The following GRIP2 variants were observed in gnomAD, a reference collection of about 807,000 sequenced individuals.
GRIP2 encodes glutamate receptor-interacting protein 2.
In GRIP2, 58 loss-of-function variants were observed where a neutral mutation model predicts 108.3. The ratio of observed to expected loss-of-function variants is 0.54; its 90% confidence interval spans 0.43 to 0.67. The LOEUF is 0.67. Among genes scored for constraint, GRIP2 ranks in the 30% least tolerant of loss-of-function variants. GRIP2 has a pLI of 0.00. For synonymous variants in GRIP2, 586 were observed against 598.2 expected, an observed-to-expected ratio of 0.98 and a Z score of 0.30; for missense variants, 1,278 against 1,430.6, an observed-to-expected ratio of 0.89 and a Z score of 1.72.
the GRIP2 span, among the ~76,000 whole-genome samples, chr3:14,565,235 A>G: frequency 3.3e-5 from 5 of 152,222 alleles, no homozygotes; most frequent in Non-Finnish European, 7.4e-5. Context: ...TTGGGGAGAC[A>G]GTGTTACATG....
Position 14,505,883 on chromosome 3 carries a change from G to A in GRIP2, c.2399-94C>T, listed in dbSNP as rs1052692772. On this transcript the variant is annotated intron_variant, in intron 19 of 23. Transcript: ENST00000621039. The surrounding 1 kb of genome is among the most constrained non-coding windows in gnomAD (Gnocchi z 4.2). ...AGCTGTGCTGAGTGACCCTGGGGAG[G>A]TCGTTGCTCCTCTCTGGGCCTGCAT... 22 of 1,213,588 alleles carry A rather than the reference G, an allele frequency of 1.8e-5. No homozygotes were observed. The South Asian group carries it at 3.7e-4, about 20-fold the overall frequency. 75.2% of individuals were successfully genotyped at this position (1,213,588 alleles called of 1,614,324 possible).
upstream of GRIP2, among the ~76,000 whole-genome samples, chr3:14,556,282 G>C (rs1326769101): frequency 1.3e-5 from 2 of 152,048 alleles, no homozygotes; most frequent in East Asian, 3.9e-4. Context: ...CCCACCTTTT[G>C]CTGAAATCTA....
Position 14,520,183 on chromosome 3 carries a change from G to A in GRIP2, c.957C>T (p.Ser319=). ...TCTCCAGCCGCACCTTCTCTGAAAT[G>A]CTGGCCAGGAGCTTGGTGGCCTCAA... ...SLLEATKLLA[S]ISEKVRLEIL... is the part of the protein sequence containing the mutation. Residue 319 remains serine (S), a synonymous_variant, in exon 9 of 24, where the codon AGC becomes AGT. Transcript: ENST00000621039. 6.2e-7 allele frequency: 1 copy of A among 1,613,052 alleles called. No homozygotes were observed. The highest frequency in any genetic ancestry group is 8.5e-7 in the Non-Finnish European group (1 of 1,179,686).
At chr3:14,523,945 G>T in intron 4 of GRIP2, 1 of 544,862 alleles carries the variant, frequency 1.8e-6, no homozygotes, top group Non-Finnish European at 3.3e-6. Context: ...GCAGAACTCA[G>T]GCTTGAGTCC....
chr3:14,583,850 T>C, the GRIP2 span, among the ~76,000 whole-genome samples: 6 of 152,210 alleles, frequency 3.9e-5, no homozygotes, highest in Admixed American at 3.3e-4. Flanking sequence ...GCCAAGTTCC[T>C]TCCCTCCTCC....
rs762153613 is a variant in GRIP2, at chr3:14,514,437, C to T, written c.1348G>A (p.Val450Met). 3 of 1,578,224 alleles carry T rather than the reference C, an allele frequency of 1.9e-6. No homozygotes were observed. The highest frequency in any genetic ancestry group is 2.6e-6 in the Non-Finnish European group (3 of 1,163,642). Residue 450 changes from valine to methionine, a missense_variant, in exon 12 of 24, where the codon GTG becomes ATG. Physicochemically the swap from Val to Met is conservative, Grantham distance 21 (BLOSUM62 1). Transcript: ENST00000621039. ...SSTVGPGGQI[V>M]HTETTEVVLC... is the part of the protein sequence containing the mutation. ...ACGACCTCCGTGGTCTCCGTGTGCA[C>T]AATCTGCCCGCCCGGCCCCACCGTG...
the GRIP2 span, among the ~76,000 whole-genome samples, chr3:14,579,361 C>T: frequency 6.6e-6 from 1 of 152,156 alleles, no homozygotes; most frequent in Non-Finnish European, 1.5e-5. Flanking sequence ...ACGTACTAAA[C>T]TGTACACTAA....
Position 14,507,119 on chromosome 3 carries a change from C to A in GRIP2, c.2219-139G>T. The A allele has an allele frequency of 1.2e-6, 1 of 824,784 alleles. No homozygotes were observed. Among genetic ancestry groups the A allele is most frequent in the Non-Finnish European group, 1.9e-6 (1 of 529,300 alleles). The allele number at this position is 824,784 out of a possible 1,614,324, so 51.1% of individuals were successfully genotyped here. ...CATATGACCATGGCACACTAATAAG[C>A]AAACCTGTTTCACAGATGGGAAAAC... is the stretch of plus-strand genomic sequence containing the variant. On this transcript the variant is annotated intron_variant, in intron 18 of 23. Transcript: ENST00000621039. The surrounding 1 kb of genome is among the most constrained non-coding windows in gnomAD (Gnocchi z 4.6).
Position 14,511,167 on chromosome 3 carries a change from G to C in GRIP2, c.1931C>G (p.Ser644Cys), listed in dbSNP as rs767459747. The C allele has an allele frequency of 6.2e-7, 1 of 1,613,892 alleles. No homozygotes were observed. The highest frequency in any genetic ancestry group is 2.2e-5 in the East Asian group (1 of 44,882). The stretch of plus-strand genomic sequence containing the variant: ...GGAGGCCAGCATGAGGGCCATACCA[G>C]AGTTGTCCTCGTCCTTCCGGATCTT... ...KLKIRKDEDN[S>C]DELETTGAVS... Residue 644 changes from serine (S) to cysteine (C), a missense_variant and splice_region_variant, in exon 16 of 24, where the codon TCT becomes TGT. Coordinates refer to ENST00000621039, the MANE Select transcript of GRIP2 (RefSeq NM_001080423.4). The surrounding 1 kb of genome is among the most constrained non-coding windows in gnomAD (Gnocchi z 4.1).
upstream of GRIP2, chr3:14,541,989 A>G (rs773073562): frequency 3.0e-6 from 4 of 1,352,898 alleles, no homozygotes; most frequent in Middle Eastern, 8.4e-4. Flanking sequence ...CCACGCGGGA[A>G]GGAATGCATG....
intron 1 of GRIP2, among the ~76,000 whole-genome samples, chr3:14,534,170 G>T (rs191949176): frequency 2.0e-5 from 3 of 152,158 alleles, no homozygotes; most frequent in Middle Eastern, 3.2e-3. Flanking sequence ...ATCCTCAGAT[G>T]GGGGGGAACT....
At chr3:14,592,446 G>A in the GRIP2 span, among the ~76,000 whole-genome samples, 1 of 152,172 alleles carries the variant, frequency 6.6e-6, no homozygotes, top group East Asian at 1.9e-4. Context: ...AGGGTGGGAG[G>A]CCATCAGGCC....
At chr3:14,594,169 G>A in the GRIP2 span, among the ~76,000 whole-genome samples, 5 of 152,186 alleles carry the variant, frequency 3.3e-5, no homozygotes, top group Non-Finnish European at 7.4e-5. Flanking sequence ...CCCAGGACAG[G>A]TGCTCTGTCT....
chr3:14,496,825 T>C (rs1189741462), intron 21 of GRIP2, among the ~76,000 whole-genome samples: 3 of 152,242 alleles, frequency 2.0e-5, no homozygotes, highest in African/African-American at 7.2e-5. Context: ...TTTACACCTA[T>C]AACTCATTTT....
At chr3:14,588,425 C>G in the GRIP2 span, among the ~76,000 whole-genome samples, 1 of 152,098 alleles carries the variant, frequency 6.6e-6, no homozygotes, top group South Asian at 2.1e-4. Flanking sequence ...ACTGAGTGGT[C>G]TCTGAGAATA....
At position 14,491,069 on chromosome 3, in the gene GRIP2, T is replaced by C. The variant is rs1701324937; in HGVS notation, c.*2596A>G. 1 of 152,242 alleles carries C rather than the reference T, an allele frequency of 6.6e-6. No homozygotes were observed. The highest frequency in any genetic ancestry group is 1.5e-5 in the Non-Finnish European group (1 of 68,046). The allele number at this position is 152,242 out of a possible 1,614,324, so 9.4% of individuals were successfully genotyped here. Reference sequence around the variant, plus strand: ...GGAAGCAAATGGCAAACTTTTTGAATTAATGAATCATCAAAAGCAGGTGAG... The same window carrying C: ...GGAAGCAAATGGCAAACTTTTTGAACTAATGAATCATCAAAAGCAGGTGAG... On this transcript the variant is annotated 3_prime_UTR_variant, in exon 24 of 24. Transcript: ENST00000621039.
chr3:14,540,373 C>G (rs543248639), upstream of GRIP2: 19 of 1,608,718 alleles, frequency 1.2e-5, no homozygotes, highest in Middle Eastern at 1.7e-4. This position sits in a 1 kb window ranked among gnomAD's most constrained non-coding sequence, Gnocchi z 4.1. Flanking sequence ...GGCCCTCCCT[C>G]CCCTCCCCAG....
the GRIP2 span, among the ~76,000 whole-genome samples, chr3:14,561,961 C>T: frequency 6.6e-6 from 1 of 152,202 alleles, no homozygotes; most frequent in Admixed American, 6.5e-5. Flanking sequence ...TGTCTGTGTG[C>T]CAAGCGTGGA....
At chr3:14,596,033 C>T in the GRIP2 span, among the ~76,000 whole-genome samples, 14 of 152,252 alleles carry the variant, frequency 9.2e-5, no homozygotes, top group Non-Finnish European at 1.9e-4. Flanking sequence ...TTTGTTCCTA[C>T]AAAGTGAGAG....
Sources: gnomAD v4.1 joint callset for allele counts (sites outside exome capture counted in the v4.1 genomes callset) on GRCh38, gnomAD v4.1.1 for gene constraint, Gnocchi (gnomAD v3.1) non-coding constraint, MANE v1.5 for transcripts, NCBI Gene and HGNC (gene_info 2026-07-23, HGNC 2026-07-21) for gene names.